Variants in CSGALNACT1 observed in about 807,000 individuals in gnomAD.
CSGALNACT1 encodes chondroitin sulfate N-acetylgalactosaminyltransferase 1.
A neutral mutation model predicts 51.0 loss-of-function variants in CSGALNACT1; 52 were observed. The observed-to-expected ratio is 1.02, with a 90% CI of 0.82 to 1.29. The LOEUF (loss-of-function observed/expected upper bound fraction) is 1.29. Ranked by LOEUF, CSGALNACT1 falls within the 50% of genes most tolerant of loss-of-function variation. The pLI is 0.00. For missense variants in CSGALNACT1, 935 were observed against 679.2 expected (o/e 1.38, Z -4.19); for synonymous variants, 341 against 254.4 (o/e 1.34, Z -3.24).
At chr8:19,750,078 T>C (rs1240330214) in intron 1 of CSGALNACT1, among the ~76,000 whole-genome samples, 2 of 152,194 alleles carry the variant, frequency 1.3e-5, no homozygotes, top group East Asian at 3.8e-4. Context: ...CCCAACCGCT[T>C]CTGTTCAGCT....
At chr8:19,414,003 G>T (rs1384155048) in intron 8 of CSGALNACT1, among the ~76,000 whole-genome samples, 1 of 152,158 alleles carries the variant, frequency 6.6e-6, no homozygotes, top group East Asian at 1.9e-4. Context: ...GGCTTGCAGT[G>T]CTGTGCTGGA....
At chr8:19,649,664 T>C (rs565961657) in intron 1 of CSGALNACT1, among the ~76,000 whole-genome samples, 77 of 151,714 alleles carry the variant, frequency 5.1e-4, no homozygotes, top group Admixed American at 9.2e-4. Flanking sequence ...TGATAAAATA[T>C]CCATACACCC....
chr8:19,512,283 CT>C (rs1289710114), intron 3 of CSGALNACT1, among the ~76,000 whole-genome samples: 1 of 152,214 alleles, frequency 6.6e-6, no homozygotes, highest in Non-Finnish European at 1.5e-5. Flanking sequence ...CGGCAACCCC[CT>C]GAAAGAGCTT....
intron 1 of CSGALNACT1, among the ~76,000 whole-genome samples, chr8:19,679,777 T>C (rs763606202): frequency 4.6e-5 from 7 of 152,130 alleles, no homozygotes; most frequent in Non-Finnish European, 8.8e-5. Context: ...GGTTCTGACA[T>C]ACAAGAGGGT....
At chr8:19,517,236 G>A (rs933996465) in intron 3 of CSGALNACT1, among the ~76,000 whole-genome samples, 12 of 152,122 alleles carry the variant, frequency 7.9e-5, no homozygotes, top group Admixed American at 3.3e-4. Context: ...TTGGGAGTTC[G>A]AGATCAGCAG....
At chr8:19,730,328 G>C (rs946687488) in intron 1 of CSGALNACT1, among the ~76,000 whole-genome samples, 1 of 152,176 alleles carries the variant, frequency 6.6e-6, no homozygotes, top group Non-Finnish European at 1.5e-5. Flanking sequence ...GCTGGCTGCG[G>C]TGGGATTTGA....
chr8:19,721,656 TTCTG>T (rs1021110875), intron 1 of CSGALNACT1, among the ~76,000 whole-genome samples: 7 of 152,196 alleles, frequency 4.6e-5, no homozygotes, highest in Admixed American at 1.3e-4. Context: ...AAACACAGAA[TTCTG>T]TCTGTCATGG....
chr8:19,411,498 A>G (rs191689740), intron 8 of CSGALNACT1, among the ~76,000 whole-genome samples: 1 of 152,220 alleles, frequency 6.6e-6, no homozygotes, highest in Non-Finnish European at 1.5e-5. Flanking sequence ...AAGCCAGTGG[A>G]AACAGACACG....
chr8:19,609,632 C>T lies in CSGALNACT1; in HGVS notation c.-543-7767G>A, dbSNP rs2051909124. Among the ~76,000 whole-genome samples, 3 of 137,870 alleles carry T rather than the reference C, an allele frequency of 2.2e-5. 1 individual carries two copies. In the South Asian group the frequency reaches 7.4e-4, roughly 34 times the overall value. The allele number at this position is 137,870 out of a possible 152,430, so 90.4% of individuals were successfully genotyped here. A position where few individuals can be genotyped will look rare whatever the true frequency, so the allele number is the denominator to read the frequency against. Reference sequence around the variant, plus strand: ...CCATTCATATACAATTCCAGCACATCGGTGTTCACCTGGGGATGGGGGTTG... The same window carrying T: ...CCATTCATATACAATTCCAGCACATTGGTGTTCACCTGGGGATGGGGGTTG... On this transcript the variant is annotated intron_variant, in intron 1 of 9. Coordinates refer to the CSGALNACT1 transcript ENST00000332246.
chr8:19,489,990 C>G (rs529799557), intron 4 of CSGALNACT1, among the ~76,000 whole-genome samples: 1 of 152,246 alleles, frequency 6.6e-6, no homozygotes, highest in Admixed American at 6.5e-5. Flanking sequence ...AGAAAATGAC[C>G]AATTGCCTTC....
At chr8:19,437,642 T>C (rs1182071820) in intron 6 of CSGALNACT1, among the ~76,000 whole-genome samples, 1 of 152,204 alleles carries the variant, frequency 6.6e-6, no homozygotes, top group Non-Finnish European at 1.5e-5. Context: ...ATGCAACTAG[T>C]CAACCAGGTA....
intron 6 of CSGALNACT1, among the ~76,000 whole-genome samples, chr8:19,420,763 C>T (rs564492535): frequency 4.6e-5 from 7 of 152,216 alleles, no homozygotes; most frequent in South Asian, 4.2e-4. Context: ...GCAGTTTCCC[C>T]GTATTGAAAA....
chr8:19,665,888 C>T (rs1401288134), intron 1 of CSGALNACT1, among the ~76,000 whole-genome samples: 1 of 152,200 alleles, frequency 6.6e-6, no homozygotes, highest in Non-Finnish European at 1.5e-5. Flanking sequence ...CTTAGTCTCA[C>T]CTCCCAGGAC....
intron 1 of CSGALNACT1, among the ~76,000 whole-genome samples, chr8:19,700,839 C>T (rs1179918425): frequency 6.6e-6 from 1 of 152,122 alleles, no homozygotes; most frequent in East Asian, 1.9e-4. Context: ...CCCTAGTTTC[C>T]CATATCATAT....
intron 3 of CSGALNACT1, among the ~76,000 whole-genome samples, chr8:19,551,176 T>G (rs190288135): frequency 2.1e-4 from 32 of 152,348 alleles, no homozygotes; most frequent in Middle Eastern, 6.8e-3. Context: ...ACAATTCCCT[T>G]ATTTACAACA....
intron 1 of CSGALNACT1, among the ~76,000 whole-genome samples, chr8:19,720,376 G>A (rs1347750368): frequency 6.6e-6 from 1 of 152,184 alleles, no homozygotes; most frequent in Non-Finnish European, 1.5e-5. Context: ...AAAGCCTGAT[G>A]GACCATGACA....
At chr8:19,657,159 G>T (rs1011930315) in intron 1 of CSGALNACT1, among the ~76,000 whole-genome samples, 1 of 151,426 alleles carries the variant, frequency 6.6e-6, no homozygotes, top group African/African-American at 2.4e-5. Flanking sequence ...AGACACAGCT[G>T]AAGAGACAAT....
At chr8:19,553,553 TAAACCATTTATATACAAAAAGCTC>T (rs1426740425) in intron 3 of CSGALNACT1, among the ~76,000 whole-genome samples, 10 of 147,806 alleles carry the variant, frequency 6.8e-5, no homozygotes, top group African/African-American at 2.0e-4. Flanking sequence ...ACAAAAAGCT[TAAACCATTTATATACAAAAAGCTC>T]AAACCATATA....
At chr8:19,582,815 C>A (rs924721605) in intron 3 of CSGALNACT1, among the ~76,000 whole-genome samples, 9 of 152,144 alleles carry the variant, frequency 5.9e-5, no homozygotes, top group African/African-American at 1.9e-4. Context: ...TATAAGCCAA[C>A]AACAGATTCT....
Sources: gnomAD v4.1 joint callset for allele counts (sites outside exome capture counted in the v4.1 genomes callset) on GRCh38, gnomAD v4.1.1 for gene constraint, MANE v1.5 for transcripts, NCBI Gene and HGNC (gene_info 2026-07-23, HGNC 2026-07-21) for gene names.